VWA8: variants seen among roughly 807,000 people sequenced by gnomAD.
The protein encoded by VWA8 is von Willebrand factor A domain-containing protein 8.
Under a neutral mutation model 241.5 loss-of-function variants are expected in VWA8, and 221 were observed. That is an observed-to-expected ratio of 0.91 (90% CI 0.82 to 1.02). VWA8 has a LOEUF of 1.02. Ranked by LOEUF, VWA8 falls within the 50% of genes least tolerant of loss-of-function variation. The probability of loss-of-function intolerance (pLI) is 0.00; values close to 1 mark genes in which losing one functional copy is unlikely to be tolerated. For synonymous variants in VWA8, 852 were observed against 827.1 expected, an observed-to-expected ratio of 1.03 and a Z score of -0.52; for missense variants, 2,322 against 2,328.7, an observed-to-expected ratio of 1.00 and a Z score of 0.06.
At chr13:41,823,075 C>G (rs1871030681) in intron 14 of VWA8, among the ~76,000 whole-genome samples, 2 of 152,108 alleles carry the variant, frequency 1.3e-5, no homozygotes, top group Non-Finnish European at 2.9e-5. Flanking sequence ...TTTTGAAAAT[C>G]AAACACAAAG....
chr13:41,871,322 T>C (rs1029519092), intron 9 of VWA8, among the ~76,000 whole-genome samples: 5 of 152,226 alleles, frequency 3.3e-5, no homozygotes, highest in African/African-American at 1.2e-4. Context: ...TTTATTATTA[T>C]ACTTTAAGTT....
chr13:41,611,788 A>C, intron 38 of VWA8, 56 bp from the exon 39 acceptor site: 1 of 1,601,258 alleles, frequency 6.2e-7, no homozygotes, highest in Non-Finnish European at 8.5e-7. Flanking sequence ...CACAGAACAA[A>C]AGTTGGGTCA....
At chr13:41,609,061 C>A (rs550931992) in intron 39 of VWA8, among the ~76,000 whole-genome samples, 1 of 152,308 alleles carries the variant, frequency 6.6e-6, no homozygotes, top group South Asian at 2.1e-4. Flanking sequence ...GTGTGTCATT[C>A]ATTCCACAAA....
chr13:41,836,390 T>C (rs1174955130), intron 12 of VWA8, among the ~76,000 whole-genome samples: 6 of 152,196 alleles, frequency 3.9e-5, no homozygotes, highest in Non-Finnish European at 7.3e-5. Context: ...AAACAGCTGA[T>C]ATCCTGGCCC....
At chr13:41,689,310 G>A (rs752003463) in intron 34 of VWA8, 44 bp downstream of exon 34, 1 of 1,577,438 alleles carries the variant, frequency 6.3e-7, no homozygotes, top group East Asian at 2.3e-5. Flanking sequence ...GTCAAACTAA[G>A]GGAAAGAAAC....
At chr13:41,935,044 T>A (rs1218795809) in intron 2 of VWA8, among the ~76,000 whole-genome samples, 2 of 152,094 alleles carry the variant, frequency 1.3e-5, no homozygotes, top group African/African-American at 4.8e-5. Flanking sequence ...TGTTTTATAT[T>A]TGTAATAGGA....
intron 38 of VWA8, among the ~76,000 whole-genome samples, chr13:41,614,022 C>G (rs1242763085): frequency 6.6e-6 from 1 of 152,208 alleles, no homozygotes; most frequent in Non-Finnish European, 1.5e-5. Context: ...TGCTGGGAAA[C>G]CACATCTGGC....
At chr13:41,708,018 T>A (rs2045293187) in intron 26 of VWA8, among the ~76,000 whole-genome samples, 1 of 151,924 alleles carries the variant, frequency 6.6e-6, no homozygotes, top group Non-Finnish European at 1.5e-5. Flanking sequence ...AGAGAAAAAA[T>A]TTTAGAGAGA....
At chr13:41,863,455 T>TATATATATATTCACACACA (rs1566485517) in intron 12 of VWA8, among the ~76,000 whole-genome samples, 1 of 87,156 alleles carries the variant, frequency 1.1e-5, no homozygotes, top group African/African-American at 4.3e-5. Flanking sequence ...ATATATATAT[T>TATATATATATTCACACACA]CACACACACA....
intron 21 of VWA8, among the ~76,000 whole-genome samples, chr13:41,755,318 T>C (rs1483429177): frequency 6.6e-6 from 1 of 152,040 alleles, no homozygotes; most frequent in African/African-American, 2.4e-5. Context: ...CTGGGTAATA[T>C]ATATATTTTA....
chr13:41,670,999 G>A lies in VWA8; in HGVS notation c.4558C>T (p.Arg1520Ter), dbSNP rs370112959. The change falls in exon 37 of 45, where the codon CGA (arginine) becomes TGA (stop). Residue 1520 changes from arginine (R) to a stop codon, truncating the protein, a stop_gained. Transcript: ENST00000379310. LOFTEE classifies it high-confidence loss of function. The part of the protein sequence containing the change: ...LWETGLERLQ[R>*]SLMEWRNMIG... ...ATGTTTCTCCATTCCATGAGTGATCGCTGCAGACGTTCAAGTCCAGTTTCC... is the reference window on the plus strand; with the variant it reads ...ATGTTTCTCCATTCCATGAGTGATCACTGCAGACGTTCAAGTCCAGTTTCC... The A allele has an allele frequency of 1.4e-5, 22 of 1,613,714 alleles. No individual in the cohort carries two copies. Among genetic ancestry groups the A allele is most frequent in the South Asian group, 6.6e-5 (6 of 91,080 alleles).
rs529140646 is a variant in VWA8 at position 41,891,348 on chromosome 13, G to A, written c.651+72C>T. The A allele has an allele frequency of 3.1e-5, 49 of 1,567,778 alleles. No individual in the cohort carries two copies. In the African/African-American group the frequency reaches 5.0e-4, roughly 16 times the overall value. ...TCTGTCCTGATTCCAACAGAGCCAT[G>A]TCTTACACAATAAAATGGCACTGCC... On this transcript the variant is annotated intron_variant, in intron 5 of 44. Transcript: ENST00000379310.
chr13:41,840,375 G>T (rs1871940195), intron 12 of VWA8, among the ~76,000 whole-genome samples: 1 of 151,992 alleles, frequency 6.6e-6, no homozygotes, highest in Non-Finnish European at 1.5e-5. Flanking sequence ...TGACGGGTTG[G>T]TTGATGGGTG....
At chr13:41,905,842 A>T (rs992474577) in intron 4 of VWA8, among the ~76,000 whole-genome samples, 2 of 152,084 alleles carry the variant, frequency 1.3e-5, no homozygotes, top group African/African-American at 4.8e-5. Context: ...ATCAGCATTC[A>T]CATCATGATA....
chr13:41,784,749 T>TAC (rs1869102913), intron 18 of VWA8, among the ~76,000 whole-genome samples: 3 of 108,126 alleles, frequency 2.8e-5, no homozygotes, highest in African/African-American at 9.4e-5. Context: ...TATATATATA[T>TAC]ATATATATAT....
chr13:41,882,476 G>C (rs953175182), intron 9 of VWA8, among the ~76,000 whole-genome samples: 1 of 151,964 alleles, frequency 6.6e-6, no homozygotes, highest in African/African-American at 2.4e-5. Flanking sequence ...AGGTTGTAGC[G>C]AGCCGAGATC....
intron 17 of VWA8, among the ~76,000 whole-genome samples, chr13:41,789,433 G>T (rs1023845756): frequency 9.9e-5 from 15 of 152,058 alleles, no homozygotes; most frequent in African/African-American, 3.6e-4. Context: ...TCTTTTAAAA[G>T]TAATTATTAC....
rs181284335 is a variant in VWA8, at chr13:41,779,738, G to A, written c.2278-1682C>T. ...TCCAGTAATAAATGGGCTAATCTAC[G>A]TTGAAAAGTTGGAGTAAGTACCTGA... is the stretch of plus-strand genomic sequence containing the variant. On this transcript the variant is annotated intron_variant, in intron 19 of 44. Transcript: ENST00000379310. Among the ~76,000 whole-genome samples, 660 of 152,194 alleles carry A rather than the reference G, an allele frequency of 4.3e-3. 16 individuals carry two copies. Among genetic ancestry groups the A allele is most frequent in the East Asian group, 1.5e-3 (8 of 5,186 alleles).
chr13:41,732,472 C>T (rs928002141), intron 21 of VWA8, among the ~76,000 whole-genome samples: 8 of 149,924 alleles, frequency 5.3e-5, no homozygotes, highest in Non-Finnish European at 7.4e-5. Context: ...AGGGTGAAGA[C>T]GAGAAACTAA....
Sources: gnomAD v4.1 joint callset for allele counts (sites outside exome capture counted in the v4.1 genomes callset) on GRCh38, gnomAD v4.1.1 for gene constraint, MANE v1.5 for transcripts, NCBI Gene and HGNC (gene_info 2026-07-23, HGNC 2026-07-21) for gene names.